The following CMYA5 variants were observed in gnomAD, a reference collection of about 807,000 sequenced individuals.
The protein encoded by CMYA5 is cardiomyopathy-associated protein 5.
A neutral mutation model predicts 318.9 loss-of-function variants in CMYA5; 246 were observed. The observed-to-expected ratio is 0.77, with a 90% CI of 0.70 to 0.86. The LOEUF is 0.86. Among genes scored for constraint, CMYA5 ranks in the 40% least tolerant of loss-of-function variants. CMYA5 has a pLI of 0.00. For missense variants in CMYA5, 4,589 were observed against 4,678.2 expected (o/e 0.98, Z 0.56); for synonymous variants, 1,641 against 1,729.5 (o/e 0.95, Z 1.27).
chr5:79,726,946 A>T, intron 1 of CMYA5, among the ~76,000 whole-genome samples: 1 of 98,008 alleles, frequency 1.0e-5, no homozygotes, highest in African/African-American at 4.9e-5. Context: ...ACGGAGTTTC[A>T]CTGTTGTCAC....
At chr5:79,764,894 T>C (rs1339628231) in intron 9 of CMYA5, among the ~76,000 whole-genome samples, 1 of 152,220 alleles carries the variant, frequency 6.6e-6, no homozygotes, top group Non-Finnish European at 1.5e-5. Flanking sequence ...ATAAGCCCTT[T>C]GTCAGATGGA....
chr5:79,786,095 T>C (rs1303941657), intron 9 of CMYA5, among the ~76,000 whole-genome samples: 1 of 152,210 alleles, frequency 6.6e-6, no homozygotes, highest in Non-Finnish European at 1.5e-5. Flanking sequence ...TCTCTCTGCT[T>C]TGTAGCAGTG....
intron 9 of CMYA5, among the ~76,000 whole-genome samples, chr5:79,778,813 G>GTGTGTGTGTGTGTGTGTGTGTGTA (rs1561228870): frequency 3.9e-3 from 394 of 99,768 alleles, no homozygotes; most frequent in East Asian, 0.026. Context: ...CTCTCTTTCT[G>GTGTGTGTGTGTGTGTGTGTGTGTA]TGTGTGTGTG....
Position 79,738,518 on chromosome 5 carries a change from A to G in CMYA5, c.9753A>G (p.Thr3251=), listed in dbSNP as rs950525231. 3.7e-6 allele frequency: 6 copies of G among 1,613,352 alleles called. No individual in the cohort carries two copies. Among genetic ancestry groups the G allele is most frequent in the African/African-American group, 1.3e-5 (1 of 74,940 alleles). Residue 3251 remains threonine (T), a synonymous_variant, in exon 2 of 13, where the codon ACA becomes ACG. Transcript: ENST00000446378. ...YILKDDILHD[T]SLTQKDQGQG... The stretch of plus-strand genomic sequence containing the variant: ...TCAAAGATGACATTCTCCATGACAC[A>G]TCTCTAACTCAAAAGGACCAGGGCC...
chr5:79,777,485 T>A (rs1485868010), intron 9 of CMYA5, among the ~76,000 whole-genome samples: 2 of 152,010 alleles, frequency 1.3e-5, no homozygotes, highest in East Asian at 1.9e-4. Context: ...AAAAAAAAAA[T>A]TTTAGGCCAG....
intron 1 of CMYA5, among the ~76,000 whole-genome samples, chr5:79,694,525 T>C (rs867918044): frequency 6.6e-6 from 1 of 152,188 alleles, no homozygotes; most frequent in Non-Finnish European, 1.5e-5. Flanking sequence ...ATTTCTCTAT[T>C]TAAGCACAGA....
chr5:79,764,839 T>TGTG (rs796623592), intron 9 of CMYA5, among the ~76,000 whole-genome samples: 1 of 151,748 alleles, frequency 6.6e-6, no homozygotes, highest in Non-Finnish European at 1.5e-5. Context: ...TTGATGGGGT[T>TGTG]TTTTTTTCTT....
chr5:79,790,146 C>T (rs1232953191), intron 10 of CMYA5, among the ~76,000 whole-genome samples: 1 of 152,182 alleles, frequency 6.6e-6, no homozygotes, highest in Non-Finnish European at 1.5e-5. Flanking sequence ...TAGTCAGGGC[C>T]AGCCTGATGT....
intron 2 of CMYA5, among the ~76,000 whole-genome samples, chr5:79,742,360 A>T (rs931042858): frequency 6.6e-6 from 1 of 151,550 alleles, no homozygotes; most frequent in African/African-American, 2.4e-5. Flanking sequence ...CTACTTTTTA[A>T]ATTTTTAGTG....
intron 3 of CMYA5, 50 bp from the exon 4 acceptor site, chr5:79,745,172 G>A: frequency 8.5e-7 from 1 of 1,181,048 alleles, no homozygotes; most frequent in African/African-American, 1.6e-5. Context: ...AAAAAAAGCA[G>A]CATTTCTTGT....
intron 1 of CMYA5, among the ~76,000 whole-genome samples, chr5:79,726,231 T>C (rs1417468208): frequency 6.6e-6 from 1 of 152,218 alleles, no homozygotes; most frequent in African/African-American, 2.4e-5. Flanking sequence ...TTACAATCAA[T>C]AGTTAACTCT....
chr5:79,765,597 A>G (rs1034107297), intron 9 of CMYA5, among the ~76,000 whole-genome samples: 1 of 152,090 alleles, frequency 6.6e-6, no homozygotes, highest in African/African-American at 2.4e-5. Context: ...CCATTTTCAC[A>G]ATATTGGTTC....
chr5:79,760,578 A>G lies in CMYA5; in HGVS notation c.11261-1233A>G, dbSNP rs139699735. On this transcript the variant is annotated intron_variant, in intron 7 of 12. Transcript: ENST00000446378. ...TTCCCATGGCTGGCAGGGAAGAGAG[A>G]GAGAGTAAAGCAGGAAGTGCTACAC... Among the ~76,000 whole-genome samples the G allele has an allele frequency of 4.8e-3, 728 of 152,256 alleles. 7 individuals carry two copies. The highest frequency in any genetic ancestry group is 0.015 in the African/African-American group (633 of 41,546).
At chr5:79,785,016 T>C (rs1181503509) in intron 9 of CMYA5, among the ~76,000 whole-genome samples, 1 of 151,682 alleles carries the variant, frequency 6.6e-6, no homozygotes, top group African/African-American at 2.4e-5. Flanking sequence ...TAGGAAATCC[T>C]ACTTTTTTTT....
chr5:79,736,976 C>T lies in CMYA5; in HGVS notation c.8211C>T (p.His2737=). 1 of 1,613,266 alleles carries T rather than the reference C, an allele frequency of 6.2e-7. No homozygotes were observed. Among genetic ancestry groups the T allele is most frequent in the East Asian group, 2.2e-5 (1 of 44,822 alleles). The change falls in exon 2 of 13, where the codon CAC becomes CAT. Residue 2737 remains histidine (H), a synonymous_variant. Coordinates refer to ENST00000446378, the MANE Select transcript of CMYA5 (RefSeq NM_153610.5). ...VLSCHDEIEN[H]SLSQEGNLVL... is the part of the protein sequence containing the mutation. ...CTTGTCATGATGAAATAGAGAACCACTCTTTGTCTCAGGAAGGAAATCTAG... is the reference window on the plus strand; with the variant it reads ...CTTGTCATGATGAAATAGAGAACCATTCTTTGTCTCAGGAAGGAAATCTAG...
At chr5:79,727,328 A>G (rs1196044404) in intron 1 of CMYA5, among the ~76,000 whole-genome samples, 11 of 152,204 alleles carry the variant, frequency 7.2e-5, no homozygotes, top group Admixed American at 7.2e-4. Context: ...TCTGTGGAGA[A>G]GGGTATGGGG....
Position 79,738,229 on chromosome 5 carries a change from T to C in CMYA5, c.9464T>C (p.Met3155Thr), listed in dbSNP as rs1479384929. The change falls in exon 2 of 13, where the codon ATG (methionine) becomes ACG (threonine). Residue 3155 changes from methionine to threonine, a missense_variant. Met to Thr is a moderately conservative substitution (Grantham distance 81, BLOSUM62 -1). This residue lies in a region of CMYA5 where 2,431 missense variants were observed against 2,495.1 expected (regional missense o/e 0.97). Transcript: ENST00000446378. ...GATGTGGACTCAAAGTCACCGGGGA[T>C]GCCTTTATTTGAAGCAGAGGAAGGA... ...KRDVDSKSPG[M>T]PLFEAEEGVL... The C allele has an allele frequency of 2.5e-6, 4 of 1,613,672 alleles. No homozygotes were observed. The highest frequency in any genetic ancestry group is 3.4e-6 in the Non-Finnish European group (4 of 1,179,840).
At chr5:79,707,277 A>G (rs1307094218) in intron 1 of CMYA5, among the ~76,000 whole-genome samples, 1 of 152,142 alleles carries the variant, frequency 6.6e-6, no homozygotes. Context: ...GCATAACTTT[A>G]TGAATGTTTC....
chr5:79,705,717 T>G (rs910136084), intron 1 of CMYA5, among the ~76,000 whole-genome samples: 1 of 152,200 alleles, frequency 6.6e-6, no homozygotes, highest in Non-Finnish European at 1.5e-5. Flanking sequence ...TTCAGTTTGA[T>G]CTCACCAATC....
Sources: allele counts gnomAD v4.1 joint callset (sites outside exome capture counted in the v4.1 genomes callset), GRCh38; gene constraint gnomAD v4.1.1; regional missense constraint gnomAD v4.1.1; transcripts MANE v1.5; gene names NCBI Gene and HGNC (gene_info 2026-07-23, HGNC 2026-07-21).